Variants in SLC8A2 observed in about 807,000 individuals in gnomAD.
SLC8A2 encodes the protein solute carrier family 8 member A2.
Under a neutral mutation model 70.2 loss-of-function variants are expected in SLC8A2, and 14 were observed. That is an observed-to-expected ratio of 0.20 (90% CI 0.13 to 0.31). The LOEUF is 0.31. Ranked by LOEUF, SLC8A2 falls within the 10% of genes least tolerant of loss-of-function variation. The probability of loss-of-function intolerance (pLI) is 1.00; values close to 1 mark genes in which losing one functional copy is unlikely to be tolerated. For missense variants in SLC8A2, 779 were observed against 1,320.1 expected (o/e 0.59, Z 6.35); for synonymous variants, 575 against 594.3 (o/e 0.97, Z 0.47).
chr19:47,457,652 C>G (rs12977926), intron 2 of SLC8A2, 58 bp from the exon 3 acceptor site: 1 of 1,239,302 alleles, frequency 8.1e-7, no homozygotes, highest in African/African-American at 1.6e-5. Context: ...CTCCCCGCCT[C>G]TCTGTCTCAG....
At position 47,437,910 on chromosome 19, in the gene SLC8A2, T is replaced by C. The variant is rs1212539319; in HGVS notation, c.1949A>G (p.Lys650Arg). 6 of 1,614,004 alleles carry C rather than the reference T, an allele frequency of 3.7e-6. No individual in the cohort carries two copies. The highest frequency in any genetic ancestry group is 2.7e-5 in the African/African-American group (2 of 74,898). Residue 650 changes from lysine (K) to arginine (R), a missense_variant, in exon 7 of 10, where the codon AAG becomes AGG. Physicochemically the swap from Lys to Arg is conservative, Grantham distance 26. Coordinates refer to ENST00000236877, the MANE Select transcript of SLC8A2 (RefSeq NM_015063.3). ...CCGGCAGTTCTCCCCAAGAACTGGC[T>C]TGCCCATCTCTGCTATCCTCCGAGC... ...EEARRIAEMG[K>R]PVLGENCRLE...
In SLC8A2 at chr19:47,447,092, C is replaced by T. The variant is rs541925089; in HGVS notation, c.1763+717G>A. Among the ~76,000 whole-genome samples, 9 of 152,094 alleles carry T rather than the reference C, an allele frequency of 5.9e-5. No individual in the cohort carries two copies. The highest frequency in any genetic ancestry group is 5.9e-4 in the Admixed American group (9 of 15,290). ...CGCGTTAGGTGCCCCGCTATTTCCC[C>T]AGGTTCTTCCTCATACCCAGAAGCC... On this transcript the variant is annotated intron_variant, in intron 4 of 9. Transcript: ENST00000236877. This position sits in a 1 kb window ranked among gnomAD's most constrained non-coding sequence, Gnocchi z 5.1.
intron 8 of SLC8A2, among the ~76,000 whole-genome samples, chr19:47,435,076 G>C (rs985322343): frequency 1.3e-5 from 2 of 151,996 alleles, no homozygotes; most frequent in Non-Finnish European, 2.9e-5. Context: ...AGACATGGTG[G>C]TGGGTGCCTG....
At position 47,447,795 on chromosome 19, in the gene SLC8A2, T is replaced by G; in HGVS notation, c.1763+14A>C. ...AAGCCCCGCCCCTCTCCGGGCCGCCTCGGGCGTGCTCACATGGTCTCGTCG... is the reference window on the plus strand; with the variant it reads ...AAGCCCCGCCCCTCTCCGGGCCGCCGCGGGCGTGCTCACATGGTCTCGTCG... On this transcript the variant is annotated intron_variant, in intron 4 of 9. Coordinates refer to ENST00000236877, the MANE Select transcript of SLC8A2 (RefSeq NM_015063.3). This position sits in a 1 kb window ranked among gnomAD's most constrained non-coding sequence, Gnocchi z 5.1. 1 of 1,574,076 alleles carries G rather than the reference T, an allele frequency of 6.4e-7. No homozygotes were observed. The highest frequency in any genetic ancestry group is 8.5e-7 in the Non-Finnish European group (1 of 1,170,408).
chr19:47,459,617 G>GTGTGTA (rs1261498462), intron 2 of SLC8A2, among the ~76,000 whole-genome samples: 4 of 151,560 alleles, frequency 2.6e-5, no homozygotes, highest in African/African-American at 4.8e-5. Context: ...GTGTGTGCAT[G>GTGTGTA]TGTGTATGTG....
chr19:47,449,602 G>A (rs1303279285), intron 3 of SLC8A2, among the ~76,000 whole-genome samples: 1 of 152,166 alleles, frequency 6.6e-6, no homozygotes, highest in African/African-American at 2.4e-5. Context: ...GGGATTACAG[G>A]CGTGAGCAAC....
rs1324446663 is a variant in SLC8A2, at chr19:47,430,474, CAG to C, written c.2390-11_2390-10del. 4.4e-6 allele frequency: 7 copies of C among 1,588,008 alleles called. No individual in the cohort carries two copies. Among genetic ancestry groups the C allele is most frequent in the Non-Finnish European group, 5.1e-6 (6 of 1,170,086 alleles). On this transcript the variant is annotated splice_polypyrimidine_tract_variant and intron_variant, in intron 9 of 9. Coordinates refer to ENST00000236877, the MANE Select transcript of SLC8A2 (RefSeq NM_015063.3). The surrounding 1 kb of genome is among the most constrained non-coding windows in gnomAD (Gnocchi z 5.9). ...CTTGCTGGCGAACGTGTCTGCGAGG[CAG>C]AGACATACAGGTCGGAGGGGCTTTG...
chr19:47,456,806 T>C, intron 3 of SLC8A2, 124 bp downstream of exon 3: 2 of 1,000,220 alleles, frequency 2.0e-6, no homozygotes, highest in Admixed American at 6.5e-5. Context: ...AATGAATGAA[T>C]GAACAAATGA....
chr19:47,447,553 T>G lies in SLC8A2; in HGVS notation c.1763+256A>C. The G allele has an allele frequency of 2.2e-5, 9 of 413,986 alleles. No individual in the cohort carries two copies. The East Asian group carries it at 2.7e-4, about 13-fold the overall frequency. The allele number at this position is 413,986 out of a possible 1,614,324, so 25.6% of individuals were successfully genotyped here. On this transcript the variant is annotated intron_variant, in intron 4 of 9. Transcript: ENST00000236877. The surrounding 1 kb of genome is among the most constrained non-coding windows in gnomAD (Gnocchi z 5.1). ...CGCCCCTCCCGAGGCCAAGCCCACTTTGGAGAACGATTCACTCAGGCCCCT... is the reference window on the plus strand; with the variant it reads ...CGCCCCTCCCGAGGCCAAGCCCACTGTGGAGAACGATTCACTCAGGCCCCT...
chr19:47,434,358 G>T (rs1261158858), intron 8 of SLC8A2, among the ~76,000 whole-genome samples: 2 of 152,176 alleles, frequency 1.3e-5, no homozygotes, highest in African/African-American at 2.4e-5. Flanking sequence ...CTACAGGGAG[G>T]CTCGTGGTTA....
At chr19:47,452,537 C>T (rs1967257597) in intron 3 of SLC8A2, among the ~76,000 whole-genome samples, 1 of 150,278 alleles carries the variant, frequency 6.7e-6, no homozygotes, top group Non-Finnish European at 1.5e-5. Context: ...GATCTTGGCT[C>T]ACTGCAACCT....
Position 47,447,714 on chromosome 19 carries a change from T to A in SLC8A2, c.1763+95A>T, listed in dbSNP as rs1398542984. Reference sequence around the variant, plus strand: ...GCCCAACCAAGACCCGCCCACTATGTGGGCATGGCTCACCCAGGCCCCGCC... The same window carrying A: ...GCCCAACCAAGACCCGCCCACTATGAGGGCATGGCTCACCCAGGCCCCGCC... On this transcript the variant is annotated intron_variant, in intron 4 of 9. Coordinates refer to ENST00000236877, the MANE Select transcript of SLC8A2 (RefSeq NM_015063.3). The surrounding 1 kb of genome is among the most constrained non-coding windows in gnomAD (Gnocchi z 5.1). 4.7e-6 allele frequency: 6 copies of A among 1,287,156 alleles called. No individual in the cohort carries two copies. The highest frequency in any genetic ancestry group is 6.1e-6 in the Non-Finnish European group (6 of 978,710). The allele number at this position is 1,287,156 out of a possible 1,614,324, so 79.7% of individuals were successfully genotyped here.
chr19:47,437,586 G>A (rs756948710), intron 7 of SLC8A2, 25 bp from the exon 8 acceptor site: 10 of 1,559,056 alleles, frequency 6.4e-6, no homozygotes, highest in African/African-American at 4.1e-5. Context: ...GTGGGGGAGA[G>A]GTCACTGCCC....
At position 47,435,526 on chromosome 19, in the gene SLC8A2, G is replaced by A. The variant is rs548882723; in HGVS notation, c.2110+1936C>T. On this transcript the variant is annotated intron_variant, in intron 8 of 9. Coordinates refer to ENST00000236877, the MANE Select transcript of SLC8A2 (RefSeq NM_015063.3). ...CCTCAAAGGAGCCTCTGCAGGGCCC[G>A]TCTCCTGCTAGTTTCTTTTCTTCGT... 4.0e-5 allele frequency among the ~76,000 whole-genome samples: 6 copies of A among 149,928 alleles called. No homozygotes were observed. The South Asian group carries it at 8.4e-4, about 21-fold the overall frequency.
rs973138255 is a variant in SLC8A2 at position 47,468,277 on chromosome 19, C to A, written c.-16-1858G>T. Among the ~76,000 whole-genome samples, 5 of 152,090 alleles carry A rather than the reference C, an allele frequency of 3.3e-5. No homozygotes were observed. ...CTTGGAGCCCTGGCACCTGCTGTTC[C>A]CCCTTCCTCGAACACGCTTCTCTAT... On this transcript the variant is annotated intron_variant, in intron 1 of 9. Transcript: ENST00000236877. The surrounding 1 kb of genome is among the most constrained non-coding windows in gnomAD (Gnocchi z 5.1).
chr19:47,458,625 C>A, intron 2 of SLC8A2, among the ~76,000 whole-genome samples: 1 of 133,124 alleles, frequency 7.5e-6, no homozygotes, highest in Admixed American at 7.9e-5. Flanking sequence ...TCTCTCCTTC[C>A]CCCCATCTCT....
chr19:47,456,803 G>C (rs117087792), intron 3 of SLC8A2, 127 bp downstream of exon 3: 21,975 of 990,150 alleles, frequency 0.022, 279 homozygotes, highest in Non-Finnish European at 0.027. Context: ...AGGAATGAAT[G>C]AATGAACAAA....
At position 47,430,124 on chromosome 19, in the gene SLC8A2, T is replaced by G. The variant is rs1966935279; in HGVS notation, c.2731A>C (p.Ser911Arg). The G allele has an allele frequency of 6.3e-7, 1 of 1,591,748 alleles. No individual in the cohort carries two copies. The highest frequency in any genetic ancestry group is 1.3e-5 in the African/African-American group (1 of 74,434). ...CGGATGTGGCAGTACGCCTCCAGGCTGGCGAAGAGGATGTACAGGAGCCAG... is the reference window on the plus strand; with the variant it reads ...CGGATGTGGCAGTACGCCTCCAGGCGGGCGAAGAGGATGTACAGGAGCCAG... ...GLWLLYILFA[S>R]LEAYCHIRGF The change falls in exon 10 of 10, where the codon AGC becomes CGC. Residue 911 changes from serine (S) to arginine (R), a missense_variant. By Grantham distance (110) the Ser-to-Arg change is moderately radical. Coordinates refer to ENST00000236877, the MANE Select transcript of SLC8A2 (RefSeq NM_015063.3). The surrounding 1 kb of genome is among the most constrained non-coding windows in gnomAD (Gnocchi z 5.9).
intron 2 of SLC8A2, among the ~76,000 whole-genome samples, chr19:47,459,931 A>G (rs1967373258): frequency 6.6e-6 from 1 of 151,940 alleles, no homozygotes; most frequent in African/African-American, 2.4e-5. Flanking sequence ...CTACCAAGCA[A>G]CAGACAATCC....
Sources: allele counts gnomAD v4.1 joint callset (sites outside exome capture counted in the v4.1 genomes callset), GRCh38; gene constraint gnomAD v4.1.1; non-coding constraint Gnocchi (gnomAD v3.1); transcripts MANE v1.5; gene names NCBI Gene and HGNC (gene_info 2026-07-23, HGNC 2026-07-21).